SIGLECL1: variants seen among roughly 807,000 people sequenced by gnomAD.
SIGLECL1 encodes SIGLEC family like 1, also known as SIGLEC family-like protein 1.
In SIGLECL1, 16 loss-of-function variants were observed where a neutral mutation model predicts 19.1. The ratio of observed to expected loss-of-function variants is 0.84; its 90% CI spans 0.57 to 1.27. The LOEUF (loss-of-function observed/expected upper bound fraction) is 1.27. Ranked by LOEUF, SIGLECL1 falls within the 50% of genes most tolerant of loss-of-function variation. The probability of loss-of-function intolerance (pLI) is 0.00; values close to 1 mark genes in which losing one functional copy is unlikely to be tolerated. For missense variants in SIGLECL1, 210 were observed against 239.4 expected (o/e 0.88, Z 0.81); for synonymous variants, 89 against 90.4 (o/e 0.98, Z 0.09).
intron 1 of SIGLECL1, among the ~76,000 whole-genome samples, chr19:51,255,534 TC>T (rs1232014214): frequency 6.6e-6 from 1 of 152,110 alleles, no homozygotes; most frequent in Non-Finnish European, 1.5e-5. Flanking sequence ...TTGCAAAGCA[TC>T]CATCTAATAA....
Position 51,269,044 on chromosome 19 carries a change from C to G in SIGLECL1, c.*447C>G, listed in dbSNP as rs1433556231. ...CCCAACTTCAGTGCTTGGTGGCTGT[C>G]TATCTTTGGACAAGATCTTTCATTC... On this transcript the variant is annotated 3_prime_UTR_variant, in exon 6 of 6. Transcript: ENST00000601727. 1 of 164,432 alleles carries G rather than the reference C, an allele frequency of 6.1e-6. No homozygotes were observed. The highest frequency in any genetic ancestry group is 1.3e-5 in the Non-Finnish European group (1 of 75,172). 10.2% of individuals were successfully genotyped at this position (164,432 alleles called of 1,614,324 possible). A position where few individuals can be genotyped will look rare whatever the true frequency, so the allele number is the denominator to read the frequency against.
At chr19:51,265,904 C>T in intron 4 of SIGLECL1, 22 bp downstream of exon 4, 7 of 1,610,488 alleles carry the variant, frequency 4.3e-6, no homozygotes, top group Non-Finnish European at 5.9e-6. Context: ...GGTTAATATT[C>T]ACCCGCAAGC....
chr19:51,268,756 C>T lies in SIGLECL1; in HGVS notation c.*159C>T. ...AAAACCCTCTCAATTCCTACACATC[C>T]CTTAACACTCATTCTCCATTGAATA... On this transcript the variant is annotated 3_prime_UTR_variant, in exon 6 of 6. Coordinates refer to ENST00000601727, the MANE Select transcript of SIGLECL1 (RefSeq NM_001385465.1). 3 of 641,288 alleles carry T rather than the reference C, an allele frequency of 4.7e-6. No individual in the cohort carries two copies. Among genetic ancestry groups the T allele is most frequent in the Non-Finnish European group, 8.2e-6 (3 of 367,790 alleles). The allele number at this position is 641,288 out of a possible 1,614,324, so 39.7% of individuals were successfully genotyped here.
chr19:51,268,898 T>C lies in SIGLECL1; in HGVS notation c.*301T>C. ...GGGAAGGTGTCAAAAGAAGGAAAAA[T>C]ACATGTGACAATATGAATCAAGTCC... On this transcript the variant is annotated 3_prime_UTR_variant, in exon 6 of 6. Transcript: ENST00000601727. The C allele has an allele frequency of 3.0e-6, 1 of 330,990 alleles. No homozygotes were observed. Among genetic ancestry groups the C allele is most frequent in the East Asian group, 5.7e-5 (1 of 17,570 alleles). The allele number at this position is 330,990 out of a possible 1,614,324, so 20.5% of individuals were successfully genotyped here.
Position 51,267,488 on chromosome 19 carries a change from G to A in SIGLECL1, c.526G>A (p.Gly176Arg). The A allele has an allele frequency of 1.2e-6, 2 of 1,614,174 alleles. No homozygotes were observed. Among genetic ancestry groups the A allele is most frequent in the South Asian group, 2.2e-5 (2 of 91,082 alleles). ...GATGTCTCTGAAGCCTGAGGAACCAGGAAAACCCGTAGTCGCCACATTTTC... is the reference window on the plus strand; with the variant it reads ...GATGTCTCTGAAGCCTGAGGAACCAAGAAAACCCGTAGTCGCCACATTTTC... ...LEMSLKPEEP[G>R]KPVVATFSES... The change falls in exon 5 of 6, where the codon GGA (glycine) becomes AGA (arginine). Residue 176 changes from glycine to arginine, a missense_variant. Gly to Arg is a moderately radical substitution (Grantham distance 125). Transcript: ENST00000601727.
chr19:51,269,305 C>G lies in SIGLECL1; in HGVS notation c.*708C>G, dbSNP rs988744439. ...TTTATCACCAGCACCCAGAATGATG[C>G]CTAAAATACAATAAGATCTCAAGAA... On this transcript the variant is annotated 3_prime_UTR_variant, in exon 6 of 6. Coordinates refer to ENST00000601727, the MANE Select transcript of SIGLECL1 (RefSeq NM_001385465.1). 1 of 152,124 alleles carries G rather than the reference C, an allele frequency of 6.6e-6. No individual in the cohort carries two copies. Among genetic ancestry groups the G allele is most frequent in the Admixed American group, 6.5e-5 (1 of 15,268 alleles). 9.4% of individuals were successfully genotyped at this position (152,124 alleles called of 1,614,324 possible).
intron 1 of SIGLECL1, among the ~76,000 whole-genome samples, chr19:51,259,160 A>G (rs1238571181): frequency 1.3e-5 from 2 of 151,382 alleles, no homozygotes; most frequent in African/African-American, 4.9e-5. Context: ...GGTTGGTGAA[A>G]TTCTAATAGC....
In SIGLECL1 at chr19:51,265,791, G is replaced by A. The variant is rs766297178; in HGVS notation, c.319G>A (p.Ala107Thr). 1.2e-6 allele frequency: 2 copies of A among 1,614,210 alleles called. No individual in the cohort carries two copies. The highest frequency in any genetic ancestry group is 1.7e-6 in the Non-Finnish European group (2 of 1,180,042). The change falls in exon 4 of 6, where the codon GCT becomes ACT. Residue 107 changes from alanine to threonine, a missense_variant. By Grantham distance (58) the Ala-to-Thr change is moderately conservative. Coordinates refer to ENST00000601727, the MANE Select transcript of SIGLECL1 (RefSeq NM_001385465.1). Reference sequence around the variant, plus strand: ...TCTGCTTCCAGGAAAGAGTTCTTTGGCTGCCCAGGCCTTCGTGAAAGGGCT... The same window carrying A: ...TCTGCTTCCAGGAAAGAGTTCTTTGACTGCCCAGGCCTTCGTGAAAGGGCT... ...ILLMSRKSSL[A>T]AQAFVKGLIQ...
upstream of SIGLECL1, among the ~76,000 whole-genome samples, chr19:51,246,989 A>T (rs1372939383): frequency 6.6e-6 from 1 of 152,254 alleles, no homozygotes; most frequent in Non-Finnish European, 1.5e-5. Flanking sequence ...CATGTAGACA[A>T]ATAGCTTAGA....
chr19:51,250,332 C>T (rs1982412956), upstream of SIGLECL1, among the ~76,000 whole-genome samples: 2 of 152,218 alleles, frequency 1.3e-5, no homozygotes, highest in South Asian at 4.1e-4. Context: ...AATCCGCCCG[C>T]CTCAGCCTCC....
At chr19:51,252,796 G>T (rs985258246) in intron 1 of SIGLECL1, among the ~76,000 whole-genome samples, 1 of 152,096 alleles carries the variant, frequency 6.6e-6, no homozygotes, top group Non-Finnish European at 1.5e-5. Flanking sequence ...GACAGGGCTG[G>T]TTCCAGAACT....
At chr19:51,260,848 T>C (rs567381877) in intron 1 of SIGLECL1, among the ~76,000 whole-genome samples, 1 of 152,366 alleles carries the variant, frequency 6.6e-6, no homozygotes, top group African/African-American at 2.4e-5. Flanking sequence ...CTGTGGCCAA[T>C]TTCTGTAAAC....
intron 1 of SIGLECL1, among the ~76,000 whole-genome samples, chr19:51,260,737 A>G (rs1983151306): frequency 6.6e-6 from 1 of 152,180 alleles, no homozygotes; most frequent in Non-Finnish European, 1.5e-5. Flanking sequence ...TGTCTTGGAT[A>G]TGTACTGGTA....
upstream of SIGLECL1, among the ~76,000 whole-genome samples, chr19:51,248,239 T>C (rs772833773): frequency 2.0e-5 from 3 of 152,154 alleles, no homozygotes; most frequent in Non-Finnish European, 4.4e-5. Context: ...TCCATTTGCA[T>C]AAGAAGATTA....
At chr19:51,258,289 G>A (rs1436928594) in intron 1 of SIGLECL1, among the ~76,000 whole-genome samples, 2 of 152,166 alleles carry the variant, frequency 1.3e-5, no homozygotes, top group African/African-American at 2.4e-5. Flanking sequence ...TATCAGAAAT[G>A]GGATTCACTA....
At chr19:51,248,988 T>C (rs890058927), upstream of SIGLECL1, among the ~76,000 whole-genome samples, 2 of 152,066 alleles carry the variant, frequency 1.3e-5, no homozygotes, top group East Asian at 1.9e-4. Context: ...ATTTTGACAA[T>C]TGGGAGAGCT....
At chr19:51,258,530 G>C (rs1304531085) in intron 1 of SIGLECL1, among the ~76,000 whole-genome samples, 1 of 152,216 alleles carries the variant, frequency 6.6e-6, no homozygotes, top group Non-Finnish European at 1.5e-5. Flanking sequence ...TAAATAGGCA[G>C]TCCCTTGGCT....
At chr19:51,267,741 T>A (rs1459273889) in intron 5 of SIGLECL1, among the ~76,000 whole-genome samples, 1 of 152,054 alleles carries the variant, frequency 6.6e-6, no homozygotes, top group African/African-American at 2.4e-5. Flanking sequence ...TAAAGAACAA[T>A]TAAAATCAAT....
upstream of SIGLECL1, among the ~76,000 whole-genome samples, chr19:51,248,348 G>A (rs906778077): frequency 4.6e-5 from 7 of 152,118 alleles, no homozygotes; most frequent in Admixed American, 3.9e-4. Flanking sequence ...CTCCTCAAAT[G>A]GGACTATAAA....
Sources: allele counts gnomAD v4.1 joint callset (sites outside exome capture counted in the v4.1 genomes callset), GRCh38; gene constraint gnomAD v4.1.1; transcripts MANE v1.5; gene names NCBI Gene and HGNC (gene_info 2026-07-23, HGNC 2026-07-21).